MAGI1: variants seen among roughly 807,000 people sequenced by gnomAD.
MAGI1 encodes membrane associated guanylate kinase, WW and PDZ domain containing 1.
In MAGI1, 58 loss-of-function variants were observed where a neutral mutation model predicts 139.9. The ratio of observed to expected loss-of-function variants is 0.41; its 90% CI spans 0.34 to 0.52. MAGI1 has a LOEUF of 0.52. MAGI1 is among the 20% of genes least tolerant of loss of function. MAGI1 has a pLI of 0.12. For missense variants in MAGI1, 1,874 were observed against 1,901.6 expected (o/e 0.99, Z 0.27); for synonymous variants, 812 against 737.9 (o/e 1.10, Z -1.63).
intron 2 of MAGI1, among the ~76,000 whole-genome samples, chr3:65,590,681 TCAAGCAATTAGTCTGTCCTA>T: frequency 6.6e-6 from 1 of 152,298 alleles, no homozygotes; most frequent in Non-Finnish European, 1.5e-5. Context: ...AGCTAAGTCC[TCAAGCAATTAGTCTGTCCTA>T]CCAAATGTGA....
chr3:65,586,123 T>A (rs2081663687), intron 2 of MAGI1, among the ~76,000 whole-genome samples: 1 of 151,852 alleles, frequency 6.6e-6, no homozygotes, highest in Non-Finnish European at 1.5e-5. Context: ...GGTGAGGGTA[T>A]CGCTTGAGCC....
intron 1 of MAGI1, among the ~76,000 whole-genome samples, chr3:65,693,610 AG>A (rs1334320165): frequency 6.6e-6 from 1 of 152,248 alleles, no homozygotes; most frequent in African/African-American, 2.4e-5. Flanking sequence ...AGAGGAATCC[AG>A]GTTAGCCTCT....
At chr3:65,463,760 C>A (rs930481195) in intron 5 of MAGI1, among the ~76,000 whole-genome samples, 1 of 151,850 alleles carries the variant, frequency 6.6e-6, no homozygotes, top group Admixed American at 6.6e-5. Context: ...TGGTTCTGGG[C>A]TTTTTTTGGT....
chr3:65,644,963 C>A (rs2107268188), intron 1 of MAGI1, among the ~76,000 whole-genome samples: 1 of 150,604 alleles, frequency 6.6e-6, no homozygotes, highest in Admixed American at 6.6e-5. Context: ...CACCAGTACA[C>A]TCCAGCCTGG....
At chr3:65,777,757 T>A (rs2038584133) in intron 1 of MAGI1, among the ~76,000 whole-genome samples, 1 of 152,196 alleles carries the variant, frequency 6.6e-6, no homozygotes, top group South Asian at 2.1e-4. Context: ...TCCCACCTAT[T>A]TGACTGCAGT....
chr3:65,714,534 T>C (rs890851989), intron 1 of MAGI1, among the ~76,000 whole-genome samples: 6 of 152,076 alleles, frequency 3.9e-5, no homozygotes, highest in African/African-American at 1.4e-4. Context: ...ATGCCACTTG[T>C]TGTGCTGTGA....
At chr3:65,815,104 G>A (rs1377386886) in intron 1 of MAGI1, among the ~76,000 whole-genome samples, 3 of 152,174 alleles carry the variant, frequency 2.0e-5, no homozygotes, top group South Asian at 4.2e-4. Context: ...GAGGGAGGCG[G>A]CAGCATTCGT....
At chr3:65,534,473 G>A (rs777869595) in intron 2 of MAGI1, among the ~76,000 whole-genome samples, 2 of 152,150 alleles carry the variant, frequency 1.3e-5, no homozygotes, top group African/African-American at 2.4e-5. Flanking sequence ...CTCGGTGAGA[G>A]AGTGAGACCC....
At chr3:65,746,209 T>G (rs2035695785) in intron 1 of MAGI1, among the ~76,000 whole-genome samples, 1 of 152,104 alleles carries the variant, frequency 6.6e-6, no homozygotes, top group South Asian at 2.1e-4. Flanking sequence ...CTAATTTTTG[T>G]ATTTTTAGTA....
chr3:65,717,125 C>T (rs558142528), intron 1 of MAGI1, among the ~76,000 whole-genome samples: 1 of 152,230 alleles, frequency 6.6e-6, no homozygotes, highest in Non-Finnish European at 1.5e-5. Context: ...CTTTTCCTGG[C>T]TTTAGTCAGA....
At position 65,999,077 on chromosome 3, in the gene MAGI1, T is replaced by G. The variant is rs113046731; in HGVS notation, c.313+38919A>C. Among the ~76,000 whole-genome samples, 734 of 152,108 alleles carry G rather than the reference T, an allele frequency of 4.8e-3. 6 individuals are homozygous for G. Among genetic ancestry groups the G allele is most frequent in the Non-Finnish European group, 7.5e-3 (511 of 68,014 alleles). On this transcript the variant is annotated intron_variant, in intron 1 of 22. Transcript: ENST00000402939. ...AGAATCCCTTTTTTAAAAAAAAAAT[T>G]TATTTGAAGTTCCGGGGTACATGTG...
chr3:65,940,996 T>G (rs2063287181), intron 1 of MAGI1, among the ~76,000 whole-genome samples: 1 of 152,106 alleles, frequency 6.6e-6, no homozygotes, highest in Admixed American at 6.5e-5. Flanking sequence ...TAATTTCACA[T>G]GAAACAGTAT....
intron 1 of MAGI1, among the ~76,000 whole-genome samples, chr3:65,679,639 AACACAGAACCAGAT>A (rs1296849762): frequency 1.3e-5 from 2 of 152,170 alleles, no homozygotes; most frequent in Non-Finnish European, 2.9e-5. Flanking sequence ...AGGGCACAGA[AACACAGAACCAGAT>A]ACAGGGAGCA....
chr3:65,495,677 G>A (rs985552242), intron 2 of MAGI1, among the ~76,000 whole-genome samples: 2 of 152,150 alleles, frequency 1.3e-5, no homozygotes, highest in Non-Finnish European at 2.9e-5. Context: ...TGAAAGATTA[G>A]AAAGTATCTC....
At chr3:65,765,318 T>A (rs953625469) in intron 1 of MAGI1, among the ~76,000 whole-genome samples, 2 of 152,196 alleles carry the variant, frequency 1.3e-5, no homozygotes, top group Non-Finnish European at 2.9e-5. Flanking sequence ...CATAACAGGA[T>A]TGCCACTAAG....
At chr3:65,580,269 CTATATAAATAATTTTG>C (rs1380849388) in intron 2 of MAGI1, among the ~76,000 whole-genome samples, 2 of 152,018 alleles carry the variant, frequency 1.3e-5, no homozygotes, top group Non-Finnish European at 2.9e-5. Flanking sequence ...TGAGATGAGA[CTATATAAATAATTTTG>C]TATCCCATTT....
chr3:65,360,998 T>A (rs1301664407), intron 22 of MAGI1: 1 of 1,458,316 alleles, frequency 6.9e-7, no homozygotes, highest in South Asian at 1.5e-5. Flanking sequence ...TCTTAGGCCA[T>A]GCCCCAGTCC....
At chr3:65,450,541 T>TG (rs35807507) in intron 6 of MAGI1, among the ~76,000 whole-genome samples, 1 of 152,104 alleles carries the variant, frequency 6.6e-6, no homozygotes, top group Non-Finnish European at 1.5e-5. Context: ...TTACGTAATT[T>TG]GGGGGGAAAG....
chr3:65,701,850 T>G (rs1012891854), intron 1 of MAGI1, among the ~76,000 whole-genome samples: 2 of 151,928 alleles, frequency 1.3e-5, no homozygotes, highest in Non-Finnish European at 2.9e-5. Context: ...GAGGAGAAAA[T>G]AGTAAGAAAT....
Sources: allele counts gnomAD v4.1 joint callset (sites outside exome capture counted in the v4.1 genomes callset), GRCh38; gene constraint gnomAD v4.1.1; transcripts MANE v1.5; gene names NCBI Gene and HGNC (gene_info 2026-07-23, HGNC 2026-07-21).